SPAG16: variants seen among roughly 807,000 people sequenced by gnomAD.
SPAG16 encodes the protein sperm associated antigen 16, also known as sperm-associated antigen 16 protein.
Under a neutral mutation model 80.4 loss-of-function variants are expected in SPAG16, and 86 were observed. That is an observed-to-expected ratio of 1.07 (90% CI 0.90 to 1.28). The LOEUF is 1.28. SPAG16 is among the 50% of genes most tolerant of loss of function. The pLI is 0.00. For synonymous variants in SPAG16, 294 were observed against 265.9 expected (o/e 1.11, Z -1.03); for missense variants, 870 against 765.3 (o/e 1.14, Z -1.61).
intron 10 of SPAG16, among the ~76,000 whole-genome samples, chr2:213,659,568 C>A (rs1370752825): frequency 6.6e-6 from 1 of 152,060 alleles, no homozygotes; most frequent in African/African-American, 2.4e-5. Flanking sequence ...CAACTACAAG[C>A]AGCACTGTAA....
rs149933417 is a variant in SPAG16 at position 213,924,897 on chromosome 2, G to A, written c.1215-5063G>A. Among the ~76,000 whole-genome samples, 1,428 of 151,910 alleles carry A rather than the reference G, an allele frequency of 9.4e-3. 30 individuals carry two copies. The highest frequency in any genetic ancestry group is 0.033 in the African/African-American group (1,359 of 41,464). On this transcript the variant is annotated intron_variant, in intron 11 of 15. Transcript: ENST00000331683. ...TTCTATTTGTATCATTTATTCTAGT[G>A]CTTTTTTCCTCCTTTCCTATTTTCT...
At chr2:213,675,525 C>T (rs973259036) in intron 10 of SPAG16, among the ~76,000 whole-genome samples, 26 of 152,236 alleles carry the variant, frequency 1.7e-4, no homozygotes, top group Non-Finnish European at 3.2e-4. Flanking sequence ...TTAGGGCTAA[C>T]ATTTAAGTCT....
chr2:213,613,517 C>T (rs1478057155), intron 10 of SPAG16, among the ~76,000 whole-genome samples: 1 of 152,158 alleles, frequency 6.6e-6, no homozygotes, highest in Non-Finnish European at 1.5e-5. Context: ...GAATAATCTT[C>T]CCTCAAATAT....
At chr2:214,074,317 GT>G in intron 13 of SPAG16, among the ~76,000 whole-genome samples, 1 of 152,160 alleles carries the variant, frequency 6.6e-6, no homozygotes, top group Non-Finnish European at 1.5e-5. Flanking sequence ...AAGAGAGGTT[GT>G]TTTTATGAAT....
At chr2:213,654,540 CAAAAAAAAAAAAAAAAAAA>C (rs36009811) in intron 10 of SPAG16, among the ~76,000 whole-genome samples, 2 of 56,736 alleles carry the variant, frequency 3.5e-5, no homozygotes, top group African/African-American at 5.9e-5. Context: ...ACTAAAAATA[CAAAAAAAAAAAAAAAAAAA>C]AAAAAAAATT....
chr2:213,526,109 C>G (rs2075877177), intron 10 of SPAG16, among the ~76,000 whole-genome samples: 5 of 152,062 alleles, frequency 3.3e-5, no homozygotes, highest in Admixed American at 3.3e-4. Context: ...ATATCGGTAT[C>G]TTAACATAGA....
intron 15 of SPAG16, among the ~76,000 whole-genome samples, chr2:214,315,972 T>C (rs1242270430): frequency 6.6e-6 from 1 of 152,118 alleles, no homozygotes; most frequent in Non-Finnish European, 1.5e-5. Context: ...GTAAATAAAA[T>C]GAGATTTGAG....
intron 10 of SPAG16, among the ~76,000 whole-genome samples, chr2:213,751,915 A>T (rs2068093368): frequency 6.6e-6 from 1 of 152,208 alleles, no homozygotes; most frequent in Non-Finnish European, 1.5e-5. Flanking sequence ...GCTTATGGCC[A>T]GTCTTGAGAG....
chr2:213,905,884 G>C (rs1360351646), intron 11 of SPAG16, among the ~76,000 whole-genome samples: 1 of 152,272 alleles, frequency 6.6e-6, no homozygotes, highest in East Asian at 1.9e-4. Flanking sequence ...TAGTAGCAGA[G>C]GCAGAGAATG....
At chr2:214,337,540 A>T (rs1398337593) in intron 15 of SPAG16, among the ~76,000 whole-genome samples, 1 of 152,220 alleles carries the variant, frequency 6.6e-6, no homozygotes, top group Non-Finnish European at 1.5e-5. Flanking sequence ...TGAGGATATA[A>T]TGTTGTTTGG....
chr2:213,308,341 T>G (rs1350032344), intron 3 of SPAG16, among the ~76,000 whole-genome samples: 1 of 152,170 alleles, frequency 6.6e-6, no homozygotes, highest in African/African-American at 2.4e-5. Flanking sequence ...GTTTTAGGTC[T>G]GCTAAGATGT....
chr2:213,579,450 C>T (rs2060230308), intron 10 of SPAG16, among the ~76,000 whole-genome samples: 1 of 152,066 alleles, frequency 6.6e-6, no homozygotes, highest in African/African-American at 2.4e-5. Context: ...CTTATTAAAA[C>T]TCTTTTAAAA....
At chr2:214,017,533 G>C (rs1369092450) in intron 13 of SPAG16, among the ~76,000 whole-genome samples, 1 of 152,050 alleles carries the variant, frequency 6.6e-6, no homozygotes, top group Admixed American at 6.6e-5. Flanking sequence ...AAGCACTAAT[G>C]CTTAGAAGTA....
At chr2:213,878,744 A>G (rs1187005690) in intron 11 of SPAG16, among the ~76,000 whole-genome samples, 1 of 152,122 alleles carries the variant, frequency 6.6e-6, no homozygotes, top group Non-Finnish European at 1.5e-5. Flanking sequence ...ACCATCCAGA[A>G]GAGTTTTCTC....
intron 15 of SPAG16, among the ~76,000 whole-genome samples, chr2:214,262,245 A>G (rs1691228103): frequency 6.6e-6 from 1 of 152,130 alleles, no homozygotes; most frequent in African/African-American, 2.4e-5. Context: ...ATACCAAGGA[A>G]ACAGGAGGGA....
intron 9 of SPAG16, among the ~76,000 whole-genome samples, chr2:213,417,931 T>C (rs2069357771): frequency 6.6e-6 from 1 of 151,776 alleles, no homozygotes; most frequent in African/African-American, 2.4e-5. Context: ...GAGTGTGCAG[T>C]GGCACGATCT....
chr2:213,590,098 A>G (rs189359776), intron 10 of SPAG16, among the ~76,000 whole-genome samples: 1 of 152,286 alleles, frequency 6.6e-6, no homozygotes, highest in East Asian at 1.9e-4. Flanking sequence ...GTCAAAAAAT[A>G]TATATTAAAA....
chr2:214,266,902 A>C (rs1027357192), intron 15 of SPAG16, among the ~76,000 whole-genome samples: 1 of 151,766 alleles, frequency 6.6e-6, no homozygotes, highest in Non-Finnish European at 1.5e-5. Context: ...ATATCTGTAT[A>C]CTGAAAACCA....
chr2:214,304,074 A>G (rs1435484189), intron 15 of SPAG16, among the ~76,000 whole-genome samples: 3 of 152,156 alleles, frequency 2.0e-5, no homozygotes, highest in Non-Finnish European at 4.4e-5. Context: ...GTATTCTCAT[A>G]ATGTAGCTCC....
Sources: allele counts gnomAD v4.1 joint callset (sites outside exome capture counted in the v4.1 genomes callset), GRCh38; gene constraint gnomAD v4.1.1; transcripts MANE v1.5; gene names NCBI Gene and HGNC (gene_info 2026-07-23, HGNC 2026-07-21).